The following CDH23 variants were observed in gnomAD, a reference collection of about 807,000 sequenced individuals.
CDH23 encodes the protein cadherin-23.
Under a neutral mutation model 317.1 loss-of-function variants are expected in CDH23, and 189 were observed. That is an observed-to-expected ratio of 0.60 (90% CI 0.53 to 0.67). The LOEUF is 0.67. CDH23 is among the 30% of genes least tolerant of loss of function. The pLI, the probability that CDH23 is intolerant of heterozygous loss-of-function variation, is 0.00. For synonymous variants in CDH23, 1,839 were observed against 1,876.8 expected (o/e 0.98, Z 0.52); for missense variants, 4,401 against 4,592.4 (o/e 0.96, Z 1.20).
chr10:71,761,839 G>A (rs1840396815), intron 38 of CDH23: 2 of 1,614,016 alleles, frequency 1.2e-6, no homozygotes, highest in African/African-American at 1.3e-5. Context: ...ACGTGAGGTT[G>A]CGGATGGGCC....
intron 10 of CDH23, 114 bp downstream of exon 10, chr10:71,615,730 C>G: frequency 1.4e-6 from 1 of 714,190 alleles, no homozygotes; most frequent in Non-Finnish European, 2.4e-6. Context: ...GGAAGCACTT[C>G]GCTTCCGTGC....
chr10:71,769,172 A>G (rs1444552281), intron 38 of CDH23, among the ~76,000 whole-genome samples: 5 of 152,240 alleles, frequency 3.3e-5, no homozygotes, highest in Admixed American at 1.3e-4. Flanking sequence ...CAATTATTTC[A>G]GTCCTGATTA....
chr10:71,443,696 C>T (rs546947843), intron 2 of CDH23, among the ~76,000 whole-genome samples: 57 of 152,364 alleles, frequency 3.7e-4, no homozygotes, highest in African/African-American at 1.4e-3. Context: ...ACTTGGGAAG[C>T]TGGGATTCTC....
chr10:71,547,276 G>T (rs1169271204), intron 6 of CDH23, among the ~76,000 whole-genome samples: 1 of 152,236 alleles, frequency 6.6e-6, no homozygotes, highest in African/African-American at 2.4e-5. Context: ...GAGATGTGAA[G>T]GCTGAATAGG....
At chr10:71,775,913 C>A (rs900074304) in intron 38 of CDH23, among the ~76,000 whole-genome samples, 4 of 152,206 alleles carry the variant, frequency 2.6e-5, no homozygotes, top group African/African-American at 9.7e-5. Flanking sequence ...AGGGGCCCAG[C>A]CTTGAGCCTT....
At chr10:71,566,062 CG>C (rs1410262483) in intron 6 of CDH23, among the ~76,000 whole-genome samples, 4 of 152,144 alleles carry the variant, frequency 2.6e-5, no homozygotes, top group African/African-American at 9.7e-5. Context: ...AAGGGGGAGA[CG>C]GGAATGGACC....
rs555168545 is a variant in CDH23 at position 71,538,022 on chromosome 10, A to G, written c.429+26810A>G. Among the ~76,000 whole-genome samples, 5 of 152,256 alleles carry G rather than the reference A, an allele frequency of 3.3e-5. 1 individual carries two copies. The South Asian group carries it at 1.0e-3, about 32-fold the overall frequency. ...TTCCCTCTAAGCCTCAGCAGCCAGC[A>G]CTGTCCACATCACTGAGTCCATTTT... On this transcript the variant is annotated intron_variant, in intron 6 of 69. Transcript: ENST00000224721.
At chr10:71,518,953 G>A (rs1174905124) in intron 6 of CDH23, among the ~76,000 whole-genome samples, 1 of 152,236 alleles carries the variant, frequency 6.6e-6, no homozygotes, top group Non-Finnish European at 1.5e-5. Context: ...GGCCAAGGCT[G>A]TGGGCGTCCT....
rs372060608 is a variant in CDH23 at position 71,584,649 on chromosome 10, G to A, written c.832+6657G>A. Among the ~76,000 whole-genome samples, 21 of 151,834 alleles carry A rather than the reference G, an allele frequency of 1.4e-4. No individual in the cohort carries two copies. In the South Asian group the frequency reaches 1.5e-3, roughly 11 times the overall value. On this transcript the variant is annotated intron_variant, in intron 9 of 69. Transcript: ENST00000224721. ...CCCCACATATGCCAATAACTGAATC[G>A]GGCCTCTGGCCATGGCCTAGTGGGG...
chr10:71,756,677 C>T (rs777661964), intron 38 of CDH23, among the ~76,000 whole-genome samples: 43 of 152,310 alleles, frequency 2.8e-4, no homozygotes, highest in African/African-American at 9.9e-4. Context: ...TGGGAACAGA[C>T]GTGCCCTCAG....
chr10:71,543,677 T>G (rs1856111749), intron 6 of CDH23, among the ~76,000 whole-genome samples: 1 of 152,242 alleles, frequency 6.6e-6, no homozygotes, highest in Non-Finnish European at 1.5e-5. Context: ...ATTTGACAGA[T>G]GGGAAACTGA....
chr10:71,425,228 AGAGGG>A (rs1849004913), intron 1 of CDH23, among the ~76,000 whole-genome samples: 2 of 37,662 alleles, frequency 5.3e-5, no homozygotes, highest in African/African-American at 1.1e-4. Flanking sequence ...GCAGAGAGAG[AGAGGG>A]AGAGAGAGAG....
At chr10:71,651,833 T>C (rs1259455721) in intron 14 of CDH23, among the ~76,000 whole-genome samples, 1 of 151,996 alleles carries the variant, frequency 6.6e-6, no homozygotes, top group Non-Finnish European at 1.5e-5. Flanking sequence ...TTGGCAGAGG[T>C]GGTACCTAGG....
At chr10:71,508,241 TC>T (rs1419585005) in intron 3 of CDH23, 3 of 152,238 alleles carry the variant, frequency 2.0e-5, no homozygotes, top group African/African-American at 7.2e-5. Flanking sequence ...TCCAATGTCT[TC>T]CTTTTCCAGA....
At chr10:71,771,182 G>A (rs7905535) in intron 38 of CDH23, among the ~76,000 whole-genome samples, 52,658 of 152,000 alleles carry the variant, frequency 0.35, 9,677 homozygotes, top group South Asian at 0.47. Context: ...TGTCTGTGGG[G>A]AAGAAGAGGC....
chr10:71,700,804 G>C (rs1865553958), intron 22 of CDH23, among the ~76,000 whole-genome samples: 1 of 152,138 alleles, frequency 6.6e-6, no homozygotes, highest in African/African-American at 2.4e-5. Flanking sequence ...AGGACCCATG[G>C]ACAGGGGCAG....
Position 71,690,606 on chromosome 10 carries a change from AC to A in CDH23, c.2176+25del, listed in dbSNP as rs1176019902. The A allele has an allele frequency of 7.9e-6, 12 of 1,516,278 alleles. No homozygotes were observed. The East Asian group carries it at 2.9e-4, about 36-fold the overall frequency. 93.9% of individuals were successfully genotyped at this position (1,516,278 alleles called of 1,614,324 possible). A position where few individuals can be genotyped will look rare whatever the true frequency, so the allele number is the denominator to read the frequency against. On this transcript the variant is annotated intron_variant, in intron 20 of 69. Coordinates refer to ENST00000224721, the MANE Select transcript of CDH23 (RefSeq NM_022124.6). ...TCAGGTGAGCCCCCCCACCCCAAGT[AC>A]CCTGGTCCTCCACACCCTGAGGCTG...
chr10:71,807,306 A>G lies in CDH23; in HGVS notation c.8208A>G (p.Thr2736=), dbSNP rs745516677. The G allele has an allele frequency of 8.1e-6, 13 of 1,613,934 alleles. No individual in the cohort carries two copies. The highest frequency in any genetic ancestry group is 1.1e-5 in the Non-Finnish European group (13 of 1,179,846). Residue 2736 remains threonine, a synonymous_variant, in exon 58 of 70, where the codon ACA becomes ACG. Transcript: ENST00000224721. ...PKGSPQYQLL[T]VPEHSPRGTL... ...GCAGCCCCCAGTACCAGCTGCTGAC[A>G]GTGCCTGAGCACTCACCACGCGGCA... is the stretch of plus-strand genomic sequence containing the variant.
intron 6 of CDH23, among the ~76,000 whole-genome samples, chr10:71,551,737 G>A (rs1489603763): frequency 6.6e-6 from 1 of 152,116 alleles, no homozygotes; most frequent in Admixed American, 6.5e-5. Context: ...GGACCCTCAG[G>A]ACCTCTAGCT....
Sources: gnomAD v4.1 joint callset for allele counts (sites outside exome capture counted in the v4.1 genomes callset) on GRCh38, gnomAD v4.1.1 for gene constraint, MANE v1.5 for transcripts, NCBI Gene and HGNC (gene_info 2026-07-23, HGNC 2026-07-21) for gene names.